Variants in SETX observed in about 807,000 individuals in gnomAD.
SETX encodes helicase senataxin.
SETX carries 90 observed loss-of-function variants against 227.2 expected under a neutral mutation model. The observed-to-expected ratio is 0.40, with a 90% CI of 0.33 to 0.47. SETX has a LOEUF of 0.47. Ranked by LOEUF, SETX falls within the 20% of genes least tolerant of loss-of-function variation. The pLI is 0.91. For missense variants in SETX, 3,052 were observed against 3,181.5 expected (o/e 0.96, Z 0.98); for synonymous variants, 1,210 against 1,113.2 (o/e 1.09, Z -1.73).
At chr9:132,296,250 C>A (rs760532013) in intron 14 of SETX, among the ~76,000 whole-genome samples, 2 of 152,218 alleles carry the variant, frequency 1.3e-5, no homozygotes, top group African/African-American at 2.4e-5. Flanking sequence ...CATCCACTTA[C>A]TTTAATGAAT....
Position 132,268,521 on chromosome 9 carries a change from TGA to T in SETX, c.7287+1092_7287+1093del, listed in dbSNP as rs1378517776. ...CTTTCAAGTTATACAGAAATTTTTG[TGA>T]GAGAGGTGTAGATCAGTGAGATTAA... On this transcript the variant is annotated intron_variant, in intron 25 of 25. Coordinates refer to ENST00000224140, the MANE Select transcript of SETX (RefSeq NM_015046.7). 3.3e-5 allele frequency among the ~76,000 whole-genome samples: 5 copies of T among 152,290 alleles called. No homozygotes were observed. In the East Asian group the frequency reaches 7.7e-4, roughly 24 times the overall value.
At chr9:132,310,987 G>C (rs916325082) in intron 11 of SETX, among the ~76,000 whole-genome samples, 4 of 151,874 alleles carry the variant, frequency 2.6e-5, no homozygotes, top group Non-Finnish European at 2.9e-5. Context: ...GTTTTGTTTT[G>C]TTTTTGAGAC....
chr9:132,302,706 G>A (rs1417418094), intron 11 of SETX, among the ~76,000 whole-genome samples: 1 of 143,874 alleles, frequency 7.0e-6, no homozygotes, highest in Non-Finnish European at 1.5e-5. Context: ...AAACCAGCAG[G>A]CATTTTTATA....
intron 15 of SETX, among the ~76,000 whole-genome samples, chr9:132,294,912 A>T (rs1432007604): frequency 3.9e-5 from 6 of 152,238 alleles, no homozygotes; most frequent in Non-Finnish European, 8.8e-5. Flanking sequence ...TTTTAAAAAA[A>T]AGAAGTAAAC....
At chr9:132,274,966 C>T (rs1272212118) in intron 23 of SETX, 3 of 404,424 alleles carry the variant, frequency 7.4e-6, no homozygotes, top group African/African-American at 6.0e-5. Context: ...CTTGCTAGAA[C>T]AAGAATTCAG....
chr9:132,346,528 T>G (rs1848300861), intron 3 of SETX, 57 bp from the exon 4 acceptor site: 2 of 1,224,540 alleles, frequency 1.6e-6, no homozygotes. Flanking sequence ...CAAAATACAC[T>G]GAATGTGACG....
chr9:132,343,179 C>T (rs1188165899), intron 4 of SETX, among the ~76,000 whole-genome samples: 1 of 152,012 alleles, frequency 6.6e-6, no homozygotes, highest in African/African-American at 2.4e-5. Flanking sequence ...ATTAGCCGGG[C>T]GTGGTGGTGG....
At chr9:132,313,125 G>T (rs1327467855) in intron 10 of SETX, among the ~76,000 whole-genome samples, 2 of 152,116 alleles carry the variant, frequency 1.3e-5, no homozygotes, top group Admixed American at 1.3e-4. Context: ...GATTGTTTTA[G>T]GTCAACAGAA....
chr9:132,266,045 T>C (rs1366505868), intron 25 of SETX: 2 of 152,202 alleles, frequency 1.3e-5, no homozygotes, highest in East Asian at 3.9e-4. Flanking sequence ...CCGAGTTTCT[T>C]CAGAGGAGGC....
chr9:132,349,520 C>T (rs1185672872), intron 2 of SETX, 85 bp from the exon 3 acceptor site: 1 of 1,395,188 alleles, frequency 7.2e-7, no homozygotes, highest in Non-Finnish European at 1.0e-6. Context: ...CAACTTGTGA[C>T]CCTGGTTTCA....
intron 10 of SETX, among the ~76,000 whole-genome samples, chr9:132,322,393 T>C (rs969608695): frequency 5.3e-5 from 8 of 152,066 alleles, no homozygotes; most frequent in African/African-American, 1.9e-4. Context: ...AATTCCCCCC[T>C]CCTTCCTTCC....
intron 4 of SETX, among the ~76,000 whole-genome samples, 183 bp downstream of exon 4, chr9:132,346,078 C>T (rs1448422784): frequency 1.3e-5 from 2 of 151,796 alleles, no homozygotes; most frequent in Non-Finnish European, 2.9e-5. Flanking sequence ...TGAACTGTGC[C>T]CCAAAAATAG....
intron 10 of SETX, among the ~76,000 whole-genome samples, chr9:132,312,959 T>A (rs570513745): frequency 6.6e-6 from 1 of 152,182 alleles, no homozygotes; most frequent in Non-Finnish European, 1.5e-5. Flanking sequence ...TCAAAAAGAT[T>A]ACATGGAGTG....
Position 132,277,140 on chromosome 9 carries a change from G to A in SETX, c.6855C>T (p.Ala2285=), listed in dbSNP as rs1374718587. The A allele has an allele frequency of 6.2e-7, 1 of 1,611,576 alleles. No homozygotes were observed. Among genetic ancestry groups the A allele is most frequent in the Non-Finnish European group, 8.5e-7 (1 of 1,179,630 alleles). Residue 2285 remains alanine, a synonymous_variant, in exon 22 of 26, where the codon GCC becomes GCT. Coordinates refer to ENST00000224140, the MANE Select transcript of SETX (RefSeq NM_015046.7). ...RNLKTNRQTE[A]IRCSSDWPFQ... is the part of the protein sequence containing the mutation. ...ATGGCCAATCTGATGAACATCGAATGGCTTCTGTCTGTCTGTAAAAAAAAA... is the reference window on the plus strand; with the variant it reads ...ATGGCCAATCTGATGAACATCGAATAGCTTCTGTCTGTCTGTAAAAAAAAA...
At chr9:132,277,602 A>G (rs146752264) in intron 21 of SETX, among the ~76,000 whole-genome samples, 1,529 of 152,166 alleles carry the variant, frequency 0.01, 13 homozygotes, top group South Asian at 0.033. Flanking sequence ...AACATAGCGA[A>G]ACCCCGTTTC....
intron 24 of SETX, among the ~76,000 whole-genome samples, chr9:132,271,188 G>A (rs6597568): frequency 0.015 from 2,294 of 152,266 alleles, 61 homozygotes; most frequent in African/African-American, 0.053. Context: ...GGAGTAATAT[G>A]CCTCTGCAAA....
chr9:132,331,915 A>G (rs889240204), intron 7 of SETX, among the ~76,000 whole-genome samples: 2 of 152,232 alleles, frequency 1.3e-5, no homozygotes, highest in African/African-American at 4.8e-5. Context: ...CCCATAATAC[A>G]AGAAATTCTC....
Position 132,330,418 on chromosome 9 carries a change from G to C in SETX, c.1180C>G (p.Gln394Glu). 1.9e-6 allele frequency: 3 copies of C among 1,614,160 alleles called. No homozygotes were observed. Among genetic ancestry groups the C allele is most frequent in the Non-Finnish European group, 2.5e-6 (3 of 1,180,010 alleles). The change falls in exon 10 of 26, where the codon CAG becomes GAG. Residue 394 changes from glutamine (Q) to glutamate (E), a missense_variant. Gln to Glu is a conservative substitution (Grantham distance 29, BLOSUM62 2). This residue lies in a region of SETX where 39 missense variants were observed against 84.8 expected (regional missense o/e 0.46). Coordinates refer to ENST00000224140, the MANE Select transcript of SETX (RefSeq NM_015046.7). Reference sequence around the variant, plus strand: ...CGCATGTCTTGACCAATATCTGACTGAAGTACACTGGCTAATGTTTCCATT... The same window carrying C: ...CGCATGTCTTGACCAATATCTGACTCAAGTACACTGGCTAATGTTTCCATT... ...EEMETLASVL[Q>E]SDIGQDMRVH...
chr9:132,311,951 G>C, intron 10 of SETX, 95 bp from the exon 11 acceptor site: 3 of 988,348 alleles, frequency 3.0e-6, no homozygotes, highest in Non-Finnish European at 4.7e-6. Flanking sequence ...GTAAAATCCA[G>C]AAGCTAGAAT....
Sources: allele counts gnomAD v4.1 joint callset (sites outside exome capture counted in the v4.1 genomes callset), GRCh38; gene constraint gnomAD v4.1.1; regional missense constraint gnomAD v4.1.1; transcripts MANE v1.5; gene names NCBI Gene and HGNC (gene_info 2026-07-23, HGNC 2026-07-21).